NEB: variants seen among roughly 807,000 people sequenced by gnomAD.
NEB encodes nebulin, also known as nemaline myopathy type 2.
A neutral mutation model predicts 952.2 loss-of-function variants in NEB; 512 were observed. That is an observed-to-expected ratio of 0.54 (90% CI 0.50 to 0.58). NEB has a LOEUF of 0.58. NEB is among the 20% of genes least tolerant of loss of function. The probability of loss-of-function intolerance (pLI) is 0.00; values close to 1 mark genes in which losing one functional copy is unlikely to be tolerated. For synonymous variants in NEB, 2,900 were observed against 3,149.8 expected (o/e 0.92, Z 2.66); for missense variants, 8,428 against 9,231.1 (o/e 0.91, Z 3.56).
At chr2:151,634,216 G>T (rs2098716026) in intron 64 of NEB, among the ~76,000 whole-genome samples, 1 of 152,168 alleles carries the variant, frequency 6.6e-6, no homozygotes, top group African/African-American at 2.4e-5. Flanking sequence ...AACAAGAAGT[G>T]CATATGTGGG....
intron 174 of NEB, 39 bp from the exon 175 acceptor site, chr2:151,493,906 G>T: frequency 7.5e-7 from 1 of 1,333,986 alleles, no homozygotes; most frequent in Non-Finnish European, 1.0e-6. Context: ...TCACTACGAG[G>T]TAATAATCAC....
rs1183427577 is a variant in NEB, at chr2:151,537,204, T to G, written c.21135A>C (p.Lys7045Asn). Residue 7045 changes from lysine to asparagine, a missense_variant, in exon 141 of 182, where the codon AAA (lysine) becomes AAC (asparagine). Lys to Asn is a moderately conservative substitution (Grantham distance 94). This residue lies in a region of NEB where 3,374 missense variants were observed against 3,651.5 expected (regional missense o/e 0.92). Coordinates refer to ENST00000397345, the MANE Select transcript of NEB (RefSeq NM_001164508.2). ...VKYKEDLTWL[K>N]GIGCYAYDTP... ...TATCATAGGCATAGCAACCAATGCC[T>G]TTAAGCCAAGTCAAGTCTTCTTTAT... The G allele has an allele frequency of 6.2e-7, 1 of 1,612,990 alleles. No homozygotes were observed. Among genetic ancestry groups the G allele is most frequent in the Non-Finnish European group, 8.5e-7 (1 of 1,179,240 alleles).
chr2:151,537,140 A>G lies in NEB; in HGVS notation c.21199T>C (p.Tyr7067His). ...TCCTTGAGTATATATACCTTGCTGT[A>G]GAGAGTCTTGTTCTTTTCAGCCAGA... ...FTLAEKNKTLYSKYKYKEVFE... is the reference protein window; with the variant it reads ...FTLAEKNKTLHSKYKYKEVFE... The change falls in exon 141 of 182, where the codon TAC (tyrosine) becomes CAC (histidine). Residue 7067 changes from tyrosine (Y) to histidine (H), a missense_variant. By Grantham distance (83) the Tyr-to-His change is moderately conservative. Around this residue, in one of 11 missense-constraint regions of NEB, gnomAD observed 3,374 missense variants for 3,651.5 expected, o/e 0.92. Transcript: ENST00000397345. 1 of 1,607,268 alleles carries G rather than the reference A, an allele frequency of 6.2e-7. No homozygotes were observed. The highest frequency in any genetic ancestry group is 8.5e-7 in the Non-Finnish European group (1 of 1,174,120).
rs1264161666 is a variant in NEB at position 151,709,771 on chromosome 2, A to G, written c.928-8T>C. 13 of 1,567,060 alleles carry G rather than the reference A, an allele frequency of 8.3e-6. No homozygotes were observed. Among genetic ancestry groups the G allele is most frequent in the Non-Finnish European group, 1.1e-5 (13 of 1,148,472 alleles). On this transcript the variant is annotated splice_region_variant and splice_polypyrimidine_tract_variant and intron_variant, in intron 11 of 181. Coordinates refer to ENST00000397345, the MANE Select transcript of NEB (RefSeq NM_001164508.2). ...ATCTTCCTGGTATTTCCTCTGTAAG[A>G]CATCAGACAAGCTGAAGAACTGCTG...
rs777105402 is a variant in NEB at position 151,547,461 on chromosome 2, G to A, written c.20335C>T (p.His6779Tyr). ...GTGATGTCTCCCACATAGCGGCAAT[G>A]GATCACTTGGGGTGTGTATGGCAGA... is the stretch of plus-strand genomic sequence containing the variant. ...ISLPYTPQVI[H>Y]CRYVGDITSD... The change falls in exon 133 of 182, where the codon CAT becomes TAT. Residue 6779 changes from histidine to tyrosine, a missense_variant. This residue lies in a region of NEB where 3,374 missense variants were observed against 3,651.5 expected (regional missense o/e 0.92). Transcript: ENST00000397345. 5 of 1,606,156 alleles carry A rather than the reference G, an allele frequency of 3.1e-6. No individual in the cohort carries two copies. The East Asian group carries it at 9.0e-5, about 29-fold the overall frequency.
chr2:151,712,502 A>G (rs2099747969), intron 10 of NEB, among the ~76,000 whole-genome samples: 1 of 152,158 alleles, frequency 6.6e-6, no homozygotes, highest in African/African-American at 2.4e-5. Flanking sequence ...CTTAATCTTC[A>G]CAGACCACGA....
rs138789068 is a variant in NEB at position 151,560,333 on chromosome 2, A to T, written c.19314+259T>A. Among the ~76,000 whole-genome samples the T allele has an allele frequency of 1.5e-3, 227 of 152,282 alleles. 1 individual carries two copies. The highest frequency in any genetic ancestry group is 5.2e-3 in the African/African-American group (218 of 41,560). ...ACTTCTGACTCTAGCAGAGATTATC[A>T]TGTGCAGACAGGCAGTCTGAAAGGT... On this transcript the variant is annotated intron_variant, in intron 124 of 181. Coordinates refer to ENST00000397345, the MANE Select transcript of NEB (RefSeq NM_001164508.2).
rs1287338281 is a variant in NEB, at chr2:151,610,808, G to T, written c.11864C>A (p.Thr3955Asn). The T allele has an allele frequency of 4.4e-6, 7 of 1,608,194 alleles. No individual in the cohort carries two copies. Residue 3955 changes from threonine to asparagine, a missense_variant, in exon 79 of 182, where the codon ACC (threonine) becomes AAC (asparagine). Thr to Asn is a moderately conservative substitution (Grantham distance 65). Coordinates refer to ENST00000397345, the MANE Select transcript of NEB (RefSeq NM_001164508.2). ...DKTSIHVMPD[T>N]PDILLAKSNS... ...ACTCTTGGCCAGCAGGATATCTGGG[G>T]TGTCTGGCATCACGTGGATGGAGGT... is the stretch of plus-strand genomic sequence containing the variant.
rs997353423 is a variant in NEB at position 151,554,113 on chromosome 2, C to T, written c.19429-88G>A. ...ATGAGAAGTCAGGCTAACCAACTCA[C>T]AGCGAACAGTTGGGGGCAGGGCAGT... On this transcript the variant is annotated intron_variant, in intron 125 of 181. Transcript: ENST00000397345. The T allele has an allele frequency of 4.1e-6, 5 of 1,232,948 alleles. No homozygotes were observed. In the Admixed American group the frequency reaches 5.1e-5, roughly 13 times the overall value. The allele number at this position is 1,232,948 out of a possible 1,614,324, so 76.4% of individuals were successfully genotyped here.
intron 153 of NEB, among the ~76,000 whole-genome samples, chr2:151,522,516 T>A (rs2082583648): frequency 6.6e-6 from 1 of 152,224 alleles, no homozygotes; most frequent in South Asian, 2.1e-4. Context: ...TCTACCTTCC[T>A]ATTCCAAGTG....
At chr2:151,541,732 T>C (rs143202961) in intron 135 of NEB, among the ~76,000 whole-genome samples, 181 bp from the exon 136 acceptor site, 31 of 152,298 alleles carry the variant, frequency 2.0e-4, no homozygotes, top group Admixed American at 3.9e-4. Flanking sequence ...TTTTTTCCCT[T>C]GTGTCAAAAC....
chr2:151,705,046 G>C (rs1379177046), intron 13 of NEB, among the ~76,000 whole-genome samples: 2 of 152,144 alleles, frequency 1.3e-5, no homozygotes, highest in African/African-American at 2.4e-5. Flanking sequence ...TTAAGCAATT[G>C]CAAGTTGTTT....
chr2:151,702,245 G>T (rs962929456), intron 13 of NEB, among the ~76,000 whole-genome samples: 12 of 151,728 alleles, frequency 7.9e-5, no homozygotes, highest in Admixed American at 1.3e-4. Flanking sequence ...TTGTTATAAT[G>T]TCTGTTCTTT....
In NEB at chr2:151,507,009, T is replaced by C; in HGVS notation, c.23456A>G (p.Gln7819Arg). Residue 7819 changes from glutamine (Q) to arginine (R), a missense_variant, in exon 163 of 182, where the codon CAA (glutamine) becomes CGA (arginine). Physicochemically the swap from Gln to Arg is conservative, Grantham distance 43 (BLOSUM62 1). Around this residue, in one of 11 missense-constraint regions of NEB, gnomAD observed 3,374 missense variants for 3,651.5 expected, o/e 0.92. Coordinates refer to ENST00000397345, the MANE Select transcript of NEB (RefSeq NM_001164508.2). ...ACTGTTTTTAAGGTCACACTGGTAT[T>C]GGAGCTATGAAGAAAGAGTAAACAT... ...RENQKNFSLL[Q>R]YQCDLKNSKG... 6.3e-7 allele frequency: 1 copy of C among 1,575,028 alleles called. No individual in the cohort carries two copies. Among genetic ancestry groups the C allele is most frequent in the Non-Finnish European group, 8.7e-7 (1 of 1,146,290 alleles).
At chr2:151,498,017 G>GGTGTT in intron 170 of NEB, 4 of 1,435,164 alleles carry the variant, frequency 2.8e-6, no homozygotes, top group Middle Eastern at 3.7e-4. Context: ...GTTAGAACTC[G>GGTGTT]GTGTTGTTAT....
At position 151,666,194 on chromosome 2, in the gene NEB, C is replaced by T. The variant is rs1159171515; in HGVS notation, c.4927G>A (p.Val1643Ile). The T allele has an allele frequency of 5.6e-5, 91 of 1,613,954 alleles. No individual in the cohort carries two copies. The highest frequency in any genetic ancestry group is 7.7e-5 in the Non-Finnish European group (91 of 1,179,846). The part of the protein sequence containing the change: ...SVTAAKKSQE[V>I]ATNANYRQSY... ...TGTCTGTAGTTGGCGTTGGTGGCAA[C>T]CTCCTGAGATTTCTTTGCAGCTGTC... Residue 1643 changes from valine to isoleucine, a missense_variant, in exon 41 of 182, where the codon GTT becomes ATT. By Grantham distance (29) the Val-to-Ile change is conservative. This residue lies in a region of NEB where 2,851 missense variants were observed against 2,791.5 expected (regional missense o/e 1.02). Transcript: ENST00000397345.
Position 151,687,634 on chromosome 2 carries a change from T to C in NEB, c.2515A>G (p.Thr839Ala), listed in dbSNP as rs779630318. Reference protein sequence around the residue: ...LLAAKANTKNTSDVMYKKDYE... With the variant: ...LLAAKANTKNASDVMYKKDYE... ...CCCCAGGCCACACTCACATCGCTGG[T>C]GTTCTTGGTGTTGGCTTTGGCTGCC... The change falls in exon 26 of 182, where the codon ACC (threonine) becomes GCC (alanine). Residue 839 changes from threonine to alanine, a missense_variant. This residue lies in a region of NEB where 2,851 missense variants were observed against 2,791.5 expected (regional missense o/e 1.02). Transcript: ENST00000397345. 14 of 1,612,674 alleles carry C rather than the reference T, an allele frequency of 8.7e-6. No homozygotes were observed. The East Asian group carries it at 1.3e-4, about 15-fold the overall frequency.
intron 181 of NEB, among the ~76,000 whole-genome samples, chr2:151,488,309 C>G (rs2052866774): frequency 6.6e-6 from 1 of 151,926 alleles, no homozygotes; most frequent in Non-Finnish European, 1.5e-5. Context: ...TTTTATACTT[C>G]TAGATTTTGG....
chr2:151,555,011 C>T lies in NEB; in HGVS notation c.19348G>A (p.Ala6450Thr). Reference sequence around the variant, plus strand: ...ACACTTCTTGGTAACGTATAAAGAGCTTTGAACTTTTCATATTCTTCCCGA... The same window carrying T: ...ACACTTCTTGGTAACGTATAAAGAGTTTTGAACTTTTCATATTCTTCCCGA... ...KYREEYEKFK[A>T]LYTLPRSVDD... Residue 6450 changes from alanine to threonine, a missense_variant, in exon 125 of 182, where the codon GCT becomes ACT. This residue lies in a region of NEB where 3,374 missense variants were observed against 3,651.5 expected (regional missense o/e 0.92). Coordinates refer to ENST00000397345, the MANE Select transcript of NEB (RefSeq NM_001164508.2). 15 of 1,613,488 alleles carry T rather than the reference C, an allele frequency of 9.3e-6. No individual in the cohort carries two copies. Among genetic ancestry groups the T allele is most frequent in the Non-Finnish European group, 1.3e-5 (15 of 1,179,498 alleles).
Sources: gnomAD v4.1 joint callset for allele counts (sites outside exome capture counted in the v4.1 genomes callset) on GRCh38, gnomAD v4.1.1 for gene constraint, gnomAD v4.1.1 regional missense constraint, MANE v1.5 for transcripts, NCBI Gene and HGNC (gene_info 2026-07-23, HGNC 2026-07-21) for gene names.